Variants in PTPRD observed in about 807,000 individuals in gnomAD.
The protein encoded by PTPRD is receptor-type tyrosine-protein phosphatase delta.
A neutral mutation model predicts 214.5 loss-of-function variants in PTPRD; 34 were observed. The ratio of observed to expected loss-of-function variants is 0.16; its 90% confidence interval spans 0.12 to 0.21. The LOEUF is 0.21. Ranked by LOEUF, PTPRD falls within the 10% of genes least tolerant of loss-of-function variation. The probability of loss-of-function intolerance (pLI) is 1.00; values close to 1 mark genes in which losing one functional copy is unlikely to be tolerated. For missense variants in PTPRD, 2,545 were observed against 2,398.7 expected (o/e 1.06, Z -1.27); for synonymous variants, 1,128 against 845.7 (o/e 1.33, Z -5.79).
At chr9:10,143,328 C>A (rs1353901258) in intron 3 of PTPRD, among the ~76,000 whole-genome samples, 1 of 151,866 alleles carries the variant, frequency 6.6e-6, no homozygotes, top group Non-Finnish European at 1.5e-5. Context: ...TATCACTAAT[C>A]AGAGAAATGC....
At chr9:9,680,599 T>A (rs1235918837) in intron 7 of PTPRD, among the ~76,000 whole-genome samples, 1 of 151,750 alleles carries the variant, frequency 6.6e-6, no homozygotes, top group Non-Finnish European at 1.5e-5. Context: ...TAATATGAAT[T>A]GGAAAGAACT....
At chr9:9,288,444 G>A (rs772314551) in intron 9 of PTPRD, among the ~76,000 whole-genome samples, 1 of 151,690 alleles carries the variant, frequency 6.6e-6, no homozygotes, top group African/African-American at 2.4e-5. Context: ...TAAAAAACAC[G>A]TAAAGATCAG....
At chr9:8,639,309 G>C (rs904719673) in intron 12 of PTPRD, among the ~76,000 whole-genome samples, 27 of 152,092 alleles carry the variant, frequency 1.8e-4, no homozygotes, top group Admixed American at 1.6e-3. Context: ...GTAACCAATG[G>C]AAAAATTATA....
intron 9 of PTPRD, among the ~76,000 whole-genome samples, chr9:9,315,049 T>A (rs1449169423): frequency 6.6e-6 from 1 of 152,036 alleles, no homozygotes; most frequent in Non-Finnish European, 1.5e-5. Flanking sequence ...TATTTTTACA[T>A]CAACATTTTA....
chr9:10,112,340 C>T (rs1280926486), intron 3 of PTPRD, among the ~76,000 whole-genome samples: 1 of 152,140 alleles, frequency 6.6e-6, no homozygotes, highest in African/African-American at 2.4e-5. Flanking sequence ...TCATTAGTGA[C>T]AGATACTCTG....
chr9:9,255,000 T>C (rs1404647650), intron 9 of PTPRD, among the ~76,000 whole-genome samples: 2 of 152,070 alleles, frequency 1.3e-5, no homozygotes, highest in Non-Finnish European at 2.9e-5. Context: ...TTCATCATTA[T>C]GCTTCTATGA....
Position 10,010,929 on chromosome 9 carries a change from G to A in PTPRD, c.-472+22789C>T, listed in dbSNP as rs10809005. 5.3e-3 allele frequency among the ~76,000 whole-genome samples: 801 copies of A among 151,674 alleles called. 11 individuals are homozygous for A. The highest frequency in any genetic ancestry group is 0.019 in the African/African-American group (774 of 41,438). On this transcript the variant is annotated intron_variant, in intron 4 of 45. Coordinates refer to ENST00000381196, the MANE Select transcript of PTPRD (RefSeq NM_002839.4). Reference sequence around the variant, plus strand: ...TAGGTAACATTTTAAATATTCTAGTGTTATCAGGAAAATTAGATCATAAAG... The same window carrying A: ...TAGGTAACATTTTAAATATTCTAGTATTATCAGGAAAATTAGATCATAAAG...
intron 11 of PTPRD, among the ~76,000 whole-genome samples, chr9:8,801,920 G>T (rs1269682579): frequency 6.6e-6 from 1 of 152,114 alleles, no homozygotes; most frequent in Non-Finnish European, 1.5e-5. Flanking sequence ...AGAAAGGGAA[G>T]GGGAGGAGAT....
At chr9:9,303,368 A>C (rs971940410) in intron 9 of PTPRD, among the ~76,000 whole-genome samples, 2 of 152,056 alleles carry the variant, frequency 1.3e-5, no homozygotes, top group African/African-American at 4.8e-5. Context: ...ATTTGACTAC[A>C]GTTGACAGTA....
In PTPRD at chr9:9,483,261, C is replaced by T. The variant is rs114611428; in HGVS notation, c.-236-85779G>A. ...ACAGGTGCATTTTTAATTATCTCAC[C>T]ACATTGCTTTCCCCATCAGCTGTCA... On this transcript the variant is annotated intron_variant, in intron 8 of 45. Transcript: ENST00000381196. Among the ~76,000 whole-genome samples the T allele has an allele frequency of 1.0e-2, 1,519 of 152,182 alleles. 32 individuals carry two copies. Among genetic ancestry groups the T allele is most frequent in the African/African-American group, 0.034 (1,422 of 41,528 alleles).
intron 2 of PTPRD, among the ~76,000 whole-genome samples, chr9:10,405,551 T>C (rs2098340601): frequency 6.6e-6 from 1 of 151,502 alleles, no homozygotes. Flanking sequence ...GCAACTGATA[T>C]AAATAATTTT....
intron 5 of PTPRD, among the ~76,000 whole-genome samples, chr9:9,855,472 T>C (rs1299109353): frequency 2.0e-5 from 3 of 152,202 alleles, no homozygotes; most frequent in African/African-American, 4.8e-5. Flanking sequence ...AGAATACTAC[T>C]TGAAGTACTA....
At chr9:8,854,395 C>T (rs899274096) in intron 11 of PTPRD, among the ~76,000 whole-genome samples, 7 of 152,010 alleles carry the variant, frequency 4.6e-5, no homozygotes, top group African/African-American at 1.7e-4. Flanking sequence ...CTTGAAATGA[C>T]ACTTTTCATA....
chr9:9,885,558 T>TG (rs1281694273), intron 5 of PTPRD, among the ~76,000 whole-genome samples: 1 of 152,078 alleles, frequency 6.6e-6, no homozygotes, highest in East Asian at 1.9e-4. Context: ...GATTTTGAGA[T>TG]GGGGGGACTA....
chr9:10,002,738 G>A lies in PTPRD; in HGVS notation c.-472+30980C>T, dbSNP rs546613431. Among the ~76,000 whole-genome samples, 9 of 150,196 alleles carry A rather than the reference G, an allele frequency of 6.0e-5. No homozygotes were observed. The South Asian group carries it at 1.9e-3, about 31-fold the overall frequency. On this transcript the variant is annotated intron_variant, in intron 4 of 45. Transcript: ENST00000381196. The stretch of plus-strand genomic sequence containing the variant: ...AGAGAAATAGAAAATTTAACAATAT[G>A]TAGGTACTGTCATACTTCACTTTCA...
chr9:9,085,528 C>G (rs1569535456), intron 10 of PTPRD, among the ~76,000 whole-genome samples: 2 of 152,062 alleles, frequency 1.3e-5, no homozygotes, highest in African/African-American at 2.4e-5. Flanking sequence ...CATTTCCAAA[C>G]AGTTTAGAAA....
At chr9:9,143,566 G>T (rs74736724) in intron 10 of PTPRD, among the ~76,000 whole-genome samples, 3 of 152,114 alleles carry the variant, frequency 2.0e-5, no homozygotes, top group African/African-American at 7.2e-5. Context: ...AATTTTTAAA[G>T]ACCGAATGTT....
intron 3 of PTPRD, among the ~76,000 whole-genome samples, chr9:10,057,711 C>A (rs2097682580): frequency 6.6e-6 from 1 of 151,756 alleles, no homozygotes; most frequent in Admixed American, 6.6e-5. Flanking sequence ...GGGCGTGGTG[C>A]ACGTGTCTGT....
rs16929487 is a variant in PTPRD at position 9,463,467 on chromosome 9, T to A, written c.-236-65985A>T. Among the ~76,000 whole-genome samples, 1,237 of 152,090 alleles carry A rather than the reference T, an allele frequency of 8.1e-3. 26 individuals carry two copies. Among genetic ancestry groups the A allele is most frequent in the African/African-American group, 0.028 (1,164 of 41,484 alleles). ...GAGCAAGTGAGCAAGCAAGCACATA[T>A]GAGCAAGCTGGAGGTGGAGGAGGCA... On this transcript the variant is annotated intron_variant, in intron 8 of 45. Coordinates refer to ENST00000381196, the MANE Select transcript of PTPRD (RefSeq NM_002839.4).
Sources: gnomAD v4.1 joint callset for allele counts (sites outside exome capture counted in the v4.1 genomes callset) on GRCh38, gnomAD v4.1.1 for gene constraint, MANE v1.5 for transcripts, NCBI Gene and HGNC (gene_info 2026-07-23, HGNC 2026-07-21) for gene names.